The following FOXP1 variants were observed in gnomAD, a reference collection of about 807,000 sequenced individuals.
The protein encoded by FOXP1 is forkhead box P1.
In FOXP1, 15 loss-of-function variants were observed where a neutral mutation model predicts 98.2. The observed-to-expected ratio is 0.15, with a 90% CI of 0.10 to 0.24. The LOEUF (loss-of-function observed/expected upper bound fraction) is 0.24. FOXP1 is among the 10% of genes least tolerant of loss of function. The pLI is 1.00. For synonymous variants in FOXP1, 371 were observed against 314.5 expected (o/e 1.18, Z -1.90); for missense variants, 633 against 848.5 (o/e 0.75, Z 3.15).
chr3:71,027,796 G>A (rs571876904), intron 11 of FOXP1, among the ~76,000 whole-genome samples: 1 of 152,198 alleles, frequency 6.6e-6, no homozygotes, highest in South Asian at 2.1e-4. Context: ...ATATATATTA[G>A]AAACATGTAT....
intron 3 of FOXP1, among the ~76,000 whole-genome samples, chr3:71,468,149 T>C (rs1434253142): frequency 6.6e-6 from 1 of 152,162 alleles, no homozygotes; most frequent in Admixed American, 6.5e-5. Flanking sequence ...CATTCCTGTA[T>C]TCATTTTTGG....
At chr3:71,443,652 C>T (rs1177274860) in intron 3 of FOXP1, among the ~76,000 whole-genome samples, 1 of 152,154 alleles carries the variant, frequency 6.6e-6, no homozygotes, top group African/African-American at 2.4e-5. Context: ...CCAACAGGGC[C>T]CCAGAACCTG....
intron 6 of FOXP1, among the ~76,000 whole-genome samples, chr3:71,152,526 C>T (rs1434253651): frequency 2.6e-5 from 4 of 152,268 alleles, no homozygotes; most frequent in East Asian, 3.9e-4. Context: ...GTGGGCTGAG[C>T]CCCACCTGAA....
At chr3:71,347,642 T>A (rs1322626163) in intron 4 of FOXP1, among the ~76,000 whole-genome samples, 1 of 152,018 alleles carries the variant, frequency 6.6e-6, no homozygotes, top group Non-Finnish European at 1.5e-5. Context: ...TCCCAGCACT[T>A]TGGGAAGCCG....
intron 12 of FOXP1, among the ~76,000 whole-genome samples, chr3:71,005,119 T>C (rs925979563): frequency 1.5e-4 from 23 of 151,954 alleles, no homozygotes; most frequent in Middle Eastern, 3.4e-3. Context: ...TTTGGTAGGA[T>C]TGAATTTTTA....
intron 2 of FOXP1, among the ~76,000 whole-genome samples, chr3:71,577,556 C>G (rs909856617): frequency 6.6e-6 from 1 of 152,088 alleles, no homozygotes; most frequent in Non-Finnish European, 1.5e-5. Flanking sequence ...GCTTTTGGAG[C>G]CTTTATCCTT....
intron 3 of FOXP1, among the ~76,000 whole-genome samples, chr3:71,425,065 C>T (rs17656368): frequency 0.49 from 74,280 of 151,944 alleles, 19,166 homozygotes; most frequent in Non-Finnish European, 0.56. Context: ...AAGTGTCAGA[C>T]AATAATCTAC....
intron 4 of FOXP1, among the ~76,000 whole-genome samples, chr3:71,312,217 C>T (rs931255879): frequency 3.3e-5 from 5 of 152,162 alleles, no homozygotes; most frequent in East Asian, 1.9e-4. Flanking sequence ...AAAACAAGAA[C>T]GGCTGAACAA....
chr3:71,015,404 C>T (rs1576173563), intron 12 of FOXP1, 145 bp downstream of exon 12: 4 of 625,924 alleles, frequency 6.4e-6, no homozygotes, highest in East Asian at 5.9e-5. Context: ...ATTCCTATGA[C>T]AGTGCACTAG....
chr3:71,094,278 C>CTTTT (rs1180804992), intron 7 of FOXP1, among the ~76,000 whole-genome samples: 56 of 127,816 alleles, frequency 4.4e-4, no homozygotes, highest in African/African-American at 5.2e-4. Flanking sequence ...TTTTTCTTTT[C>CTTTT]TTTTTTTTTT....
intron 6 of FOXP1, among the ~76,000 whole-genome samples, chr3:71,157,276 A>C (rs2060872030): frequency 6.6e-6 from 1 of 152,230 alleles, no homozygotes; most frequent in African/African-American, 2.4e-5. Context: ...GGGATGGAGG[A>C]GAGAATAACA....
chr3:71,133,952 T>A (rs2059696402), intron 6 of FOXP1, among the ~76,000 whole-genome samples: 2 of 152,206 alleles, frequency 1.3e-5, no homozygotes, highest in Admixed American at 1.3e-4. Context: ...AAATTGAATA[T>A]TTTTCACAGC....
At chr3:71,582,143 G>A (rs1352999313) in intron 1 of FOXP1, 6 of 985,100 alleles carry the variant, frequency 6.1e-6, no homozygotes, top group Non-Finnish European at 7.2e-6. Context: ...TTTGTTTCCG[G>A]GAGCGGAGCT....
At chr3:71,373,753 C>A (rs140846572) in intron 3 of FOXP1, among the ~76,000 whole-genome samples, 5 of 152,054 alleles carry the variant, frequency 3.3e-5, no homozygotes, top group African/African-American at 4.8e-5. Flanking sequence ...GCTTGTTGAG[C>A]CTATGAATGT....
chr3:71,403,805 C>T (rs929057421), intron 3 of FOXP1, among the ~76,000 whole-genome samples: 2 of 152,080 alleles, frequency 1.3e-5, no homozygotes, highest in Non-Finnish European at 2.9e-5. Flanking sequence ...GAGCCAAGAT[C>T]GCACCACTGC....
At chr3:70,986,832 A>G (rs1470696325) in intron 14 of FOXP1, among the ~76,000 whole-genome samples, 1 of 152,344 alleles carries the variant, frequency 6.6e-6, no homozygotes, top group Non-Finnish European at 1.5e-5. Flanking sequence ...CCTTTATCTC[A>G]GTAATGTGTT....
At chr3:71,579,928 T>C (rs1203661998) in intron 2 of FOXP1, among the ~76,000 whole-genome samples, 1 of 152,188 alleles carries the variant, frequency 6.6e-6, no homozygotes, top group Non-Finnish European at 1.5e-5. Context: ...ACTCAAATGC[T>C]GCCCAGAGAG....
At chr3:71,061,168 C>G (rs553385158) in intron 7 of FOXP1, among the ~76,000 whole-genome samples, 5 of 152,184 alleles carry the variant, frequency 3.3e-5, no homozygotes, top group Admixed American at 2.6e-4. Flanking sequence ...AAGTATTGCA[C>G]GCTCTGAAAG....
Position 71,238,010 on chromosome 3 carries a change from G to A in FOXP1, c.-11-39618C>T, listed in dbSNP as rs529610151. 1.3e-4 allele frequency among the ~76,000 whole-genome samples: 20 copies of A among 152,184 alleles called. No individual in the cohort carries two copies. The East Asian group carries it at 2.3e-3, about 18-fold the overall frequency. On this transcript the variant is annotated intron_variant, in intron 5 of 20. Coordinates refer to ENST00000649528, the MANE Select transcript of FOXP1 (RefSeq NM_001349338.3). ...TAGGAGATTCTCAGTTACTTAAGGC[G>A]CACATTTAGTCCGACTCTCCAAAAT...
Sources: gnomAD v4.1 joint callset for allele counts (sites outside exome capture counted in the v4.1 genomes callset) on GRCh38, gnomAD v4.1.1 for gene constraint, MANE v1.5 for transcripts, NCBI Gene and HGNC (gene_info 2026-07-23, HGNC 2026-07-21) for gene names.